Variants in WDR44 observed in about 807,000 individuals in gnomAD.
The protein encoded by WDR44 is WD repeat domain 44.
WDR44 carries 9 observed loss-of-function variants against 65.7 expected under a neutral mutation model. That is an observed-to-expected ratio of 0.14 (90% CI 0.08 to 0.24). WDR44 has a LOEUF of 0.24. Ranked by LOEUF, WDR44 falls within the 10% of genes least tolerant of loss-of-function variation. WDR44 has a pLI of 1.00. For missense variants in WDR44, 425 were observed against 670.9 expected (o/e 0.63, Z 4.05); for synonymous variants, 220 against 235.2 (o/e 0.94, Z 0.59).
At chrX:118,400,020 C>T (rs1261346235) in intron 8 of WDR44, among the ~76,000 whole-genome samples, 1 of 110,227 alleles carries the variant, frequency 9.1e-6, no homozygotes, top group Non-Finnish European at 1.9e-5. Context: ...CCTGAGGGAT[C>T]GAGGCTGCAG....
intron 2 of WDR44, among the ~76,000 whole-genome samples, chrX:118,384,053 T>A (rs1156448880): frequency 9.3e-6 from 1 of 107,694 alleles, no homozygotes; most frequent in African/African-American, 3.4e-5. Flanking sequence ...CTAATTATTA[T>A]TTTTTTTAGA....
intron 1 of WDR44, among the ~76,000 whole-genome samples, chrX:118,369,470 CTT>C (rs1353904561): frequency 1.8e-4 from 14 of 75,940 alleles, no homozygotes; most frequent in Admixed American, 3.5e-4. Flanking sequence ...CACGCCCGGC[CTT>C]TTTTTTTTTT....
chrX:118,405,409 G>A (rs912183914), intron 9 of WDR44, among the ~76,000 whole-genome samples: 5 of 109,149 alleles, frequency 4.6e-5, no homozygotes, highest in African/African-American at 6.7e-5. Flanking sequence ...GCACGATCTC[G>A]GCTCACTTCA....
intron 1 of WDR44, among the ~76,000 whole-genome samples, chrX:118,352,350 ATATTTTTTTTT>A (rs2056420088): frequency 4.9e-5 from 1 of 20,291 alleles, no homozygotes; most frequent in South Asian, 5.0e-3. Context: ...ATATATATAT[ATATTTTTTTTT>A]TTTTTTTTTT....
chrX:118,400,350 C>G (rs1284533740), intron 8 of WDR44, among the ~76,000 whole-genome samples: 1 of 110,938 alleles, frequency 9.0e-6, no homozygotes, highest in Admixed American at 9.6e-5. Context: ...TATTAAAGAA[C>G]CAAAATGATG....
At chrX:118,433,228 A>G (rs2057226873) in intron 13 of WDR44, among the ~76,000 whole-genome samples, 1 of 111,741 alleles carries the variant, frequency 8.9e-6, no homozygotes, top group African/African-American at 3.2e-5. Flanking sequence ...ACCAGAATTA[A>G]CACCTTTTCT....
chrX:118,356,822 C>T (rs1602856350), intron 1 of WDR44, among the ~76,000 whole-genome samples: 1 of 104,788 alleles, frequency 9.5e-6, no homozygotes. Flanking sequence ...ATATATATAT[C>T]AAGTCATTGA....
chrX:118,358,082 G>A (rs1387281492), intron 1 of WDR44, among the ~76,000 whole-genome samples: 1 of 112,113 alleles, frequency 8.9e-6, no homozygotes, highest in Admixed American at 9.4e-5. Flanking sequence ...TGACTTAAAA[G>A]CATCTTGATC....
intron 1 of WDR44, among the ~76,000 whole-genome samples, chrX:118,358,338 CTTTT>C (rs1055186283): frequency 9.0e-6 from 1 of 111,524 alleles, no homozygotes; most frequent in Non-Finnish European, 1.9e-5. Context: ...ATTTGACAAA[CTTTT>C]TTAACTCTTA....
At chrX:118,382,228 G>T (rs72607626) in intron 2 of WDR44, among the ~76,000 whole-genome samples, 7,938 of 110,302 alleles carry the variant, frequency 0.072, 479 homozygotes, top group East Asian at 0.25. Flanking sequence ...TGCCAAGGTG[G>T]TTTTTTTGTT....
intron 1 of WDR44, among the ~76,000 whole-genome samples, chrX:118,368,483 T>TATATATATATATATATATAAC (rs1569359132): frequency 1.1e-5 from 1 of 87,633 alleles, no homozygotes; most frequent in African/African-American, 5.0e-5. Flanking sequence ...ATATATATAC[T>TATATATATATATATATATAAC]TCTTGAGGAC....
intron 2 of WDR44, among the ~76,000 whole-genome samples, chrX:118,385,020 A>G (rs2056753587): frequency 9.0e-6 from 1 of 111,693 alleles, no homozygotes; most frequent in Non-Finnish European, 1.9e-5. Flanking sequence ...TTTATTTTGT[A>G]TCCTGAGACT....
intron 1 of WDR44, among the ~76,000 whole-genome samples, chrX:118,373,875 A>G (rs1392135728): frequency 8.9e-6 from 1 of 112,128 alleles, no homozygotes; most frequent in Non-Finnish European, 1.9e-5. Context: ...AAAACATGTC[A>G]AGTGTTATAG....
intron 11 of WDR44, 141 bp from the exon 12 acceptor site, chrX:118,410,754 G>C: frequency 2.0e-6 from 1 of 494,906 alleles, no homozygotes. Context: ...ATAGGGTTAT[G>C]CCTCAATTGT....
At chrX:118,371,542 G>A (rs1210038144) in intron 1 of WDR44, among the ~76,000 whole-genome samples, 1 of 111,845 alleles carries the variant, frequency 8.9e-6, no homozygotes, top group African/African-American at 3.2e-5. Flanking sequence ...GTATTAATAT[G>A]TTGGAAGTTT....
rs1036986223 is a variant in WDR44 at position 118,378,317 on chromosome X, A to G, written c.78-102A>G. 6 of 677,323 alleles carry G rather than the reference A, an allele frequency of 8.9e-6. No homozygotes were observed. The Admixed American group carries it at 1.2e-4, about 14-fold the overall frequency. 55.8% of individuals were successfully genotyped at this position (677,323 alleles called of 1,213,427 possible). A position where few individuals can be genotyped will look rare whatever the true frequency, so the allele number is the denominator to read the frequency against. ...ACAAGACTTTTCAGTCACAAAATAT[A>G]TACACATTTTTTAAATGTGGACTTG... On this transcript the variant is annotated intron_variant, in intron 1 of 19. Coordinates refer to ENST00000254029, the MANE Select transcript of WDR44 (RefSeq NM_019045.5).
intron 1 of WDR44, among the ~76,000 whole-genome samples, chrX:118,371,234 G>A (rs1319370931): frequency 8.9e-6 from 1 of 111,860 alleles, no homozygotes; most frequent in Non-Finnish European, 1.9e-5. Context: ...TCACTTGTAT[G>A]TGGAATGTAA....
chrX:118,352,353 T>TATATATATATATATA (rs1491172810), intron 1 of WDR44, among the ~76,000 whole-genome samples: 5 of 15,783 alleles, frequency 3.2e-4, no homozygotes, highest in African/African-American at 5.0e-4. Context: ...TATATATATA[T>TATATATATATATATA]TTTTTTTTTT....
At chrX:118,347,757 A>G (rs2056365543) in intron 1 of WDR44, among the ~76,000 whole-genome samples, 1 of 112,367 alleles carries the variant, frequency 8.9e-6, no homozygotes, top group South Asian at 3.6e-4. Flanking sequence ...ATAAAATCAG[A>G]AAGCAATGTA....
Sources: gnomAD v4.1 joint callset for allele counts (sites outside exome capture counted in the v4.1 genomes callset) on GRCh38, gnomAD v4.1.1 for gene constraint, MANE v1.5 for transcripts, NCBI Gene and HGNC (gene_info 2026-07-23, HGNC 2026-07-21) for gene names.